The following KIAA1586 variants were observed in gnomAD, a reference collection of about 807,000 sequenced individuals.
The protein encoded by KIAA1586 is E3 SUMO-protein ligase KIAA1586.
A neutral mutation model predicts 6.1 loss-of-function variants in KIAA1586; 5 were observed. The observed-to-expected ratio is 0.82, with a 90% confidence interval of 0.43 to 1.73. The LOEUF (loss-of-function observed/expected upper bound fraction) is 1.73. Ranked by LOEUF, KIAA1586 falls within the 40% of genes most tolerant of loss-of-function variation. The pLI, the probability that KIAA1586 is intolerant of heterozygous loss-of-function variation, is 0.02. For synonymous variants in KIAA1586, 280 were observed against 301.7 expected (o/e 0.93, Z 0.75); for missense variants, 899 against 878.2 (o/e 1.02, Z -0.30).
chr6:57,054,056 C>T lies in KIAA1586; in HGVS notation c.1557C>T (p.Asn519=). 1 of 1,610,328 alleles carries T rather than the reference C, an allele frequency of 6.2e-7. No homozygotes were observed. ...SYSGLAKRLA[N]INFLQDLALM... is the part of the protein sequence containing the mutation. ...CTGGTTTGGCGAAGAGATTAGCTAA[C>T]ATTAATTTCTTACAAGACCTTGCTT... Residue 519 remains asparagine (N), a synonymous_variant, in exon 4 of 4, where the codon AAC becomes AAT. Coordinates refer to ENST00000370733, the MANE Select transcript of KIAA1586 (RefSeq NM_020931.4).
At chr6:57,050,680 A>G (rs1828296742) in intron 2 of KIAA1586, 94 bp from the exon 3 acceptor site, 2 of 850,020 alleles carry the variant, frequency 2.4e-6, no homozygotes, top group African/African-American at 3.4e-5. Context: ...AATCTTTCCC[A>G]ATTCCAACTA....
downstream of KIAA1586, among the ~76,000 whole-genome samples, chr6:57,056,747 A>C (rs1011996346): frequency 6.6e-6 from 1 of 151,842 alleles, no homozygotes; most frequent in African/African-American, 2.4e-5. Context: ...CATGTTGCCC[A>C]GGTTGGTATT....
At chr6:57,049,324 C>T (rs1828262255) in intron 2 of KIAA1586, among the ~76,000 whole-genome samples, 1 of 152,058 alleles carries the variant, frequency 6.6e-6, no homozygotes, top group Non-Finnish European at 1.5e-5. Context: ...TTTTATAGTA[C>T]CATCCAGTAA....
At chr6:57,058,981 G>A (rs1280308115), downstream of KIAA1586, among the ~76,000 whole-genome samples, 2 of 152,024 alleles carry the variant, frequency 1.3e-5, no homozygotes, top group Non-Finnish European at 2.9e-5. Flanking sequence ...TGAAAAAGAT[G>A]AATGGGATTT....
At chr6:57,048,647 T>TCATG (rs1271040805) in intron 2 of KIAA1586, among the ~76,000 whole-genome samples, 1 of 152,176 alleles carries the variant, frequency 6.6e-6, no homozygotes, top group Non-Finnish European at 1.5e-5. Flanking sequence ...GAAGAGGAGT[T>TCATG]CATGGGTCTT....
rs1828441207 is a variant in KIAA1586, at chr6:57,054,395, T to C, written c.1896T>C (p.Asp632=). ...RNHEDIFNYF[D]LLEPSTWPYE... ...ATGAAGATATTTTTAATTACTTTGATTTGCTGGAACCTTCCACATGGCCTT... is the reference window on the plus strand; with the variant it reads ...ATGAAGATATTTTTAATTACTTTGACTTGCTGGAACCTTCCACATGGCCTT... The change falls in exon 4 of 4, where the codon GAT becomes GAC. Residue 632 remains aspartate (D), a synonymous_variant. Coordinates refer to ENST00000370733, the MANE Select transcript of KIAA1586 (RefSeq NM_020931.4). 1 of 1,609,396 alleles carries C rather than the reference T, an allele frequency of 6.2e-7. No homozygotes were observed. The highest frequency in any genetic ancestry group is 1.1e-5 in the South Asian group (1 of 89,970).
At chr6:57,066,833 A>T in the KIAA1586 span, among the ~76,000 whole-genome samples, 3 of 152,074 alleles carry the variant, frequency 2.0e-5, no homozygotes, top group Non-Finnish European at 4.4e-5. Flanking sequence ...AGTCCTTCCT[A>T]GGTTCCCTGG....
At position 57,053,320 on chromosome 6, in the gene KIAA1586, A is replaced by G. The variant is rs137898999; in HGVS notation, c.821A>G (p.Glu274Gly). 1,442 of 1,610,498 alleles carry G rather than the reference A, an allele frequency of 9.0e-4. 3 individuals carry two copies. The highest frequency in any genetic ancestry group is 1.1e-3 in the Non-Finnish European group (1,316 of 1,177,548). The change falls in exon 4 of 4, where the codon GAA (glutamate) becomes GGA (glycine). Residue 274 changes from glutamate (E) to glycine (G), a missense_variant. Coordinates refer to ENST00000370733, the MANE Select transcript of KIAA1586 (RefSeq NM_020931.4). ...ATTGAGGGGGCAAGAGAATTACAGG[A>G]AAAAAATGGAGAGGTAAATTGTTTA... ...SDIEGARELQEKNGEVNCLNT... is the reference protein window; with the variant it reads ...SDIEGARELQGKNGEVNCLNT...
At chr6:57,065,755 T>C in the KIAA1586 span, among the ~76,000 whole-genome samples, 1 of 152,212 alleles carries the variant, frequency 6.6e-6, no homozygotes, top group Non-Finnish European at 1.5e-5. Flanking sequence ...CCTTTCGAAC[T>C]GAATACCTGT....
intron 2 of KIAA1586, among the ~76,000 whole-genome samples, chr6:57,049,195 G>A (rs187704624): frequency 1.6e-3 from 241 of 152,202 alleles, no homozygotes; most frequent in African/African-American, 5.3e-3. Context: ...GCATTTCAGT[G>A]GTGCCACATA....
At chr6:57,056,006 A>G (rs12190575), downstream of KIAA1586, among the ~76,000 whole-genome samples, 21,379 of 152,166 alleles carry the variant, frequency 0.14, 1,600 homozygotes, top group Middle Eastern at 0.18. Flanking sequence ...CAATTTTAGA[A>G]GGAACTAAGG....
chr6:57,062,634 A>G, the KIAA1586 span, among the ~76,000 whole-genome samples: 1 of 152,240 alleles, frequency 6.6e-6, no homozygotes, highest in African/African-American at 2.4e-5. Flanking sequence ...AATATATCCC[A>G]GTCACTCCTT....
chr6:57,059,758 C>G (rs956882537), downstream of KIAA1586, among the ~76,000 whole-genome samples: 1 of 152,126 alleles, frequency 6.6e-6, no homozygotes, highest in African/African-American at 2.4e-5. Context: ...CATTGTTGTT[C>G]CGTAGGCATT....
At position 57,053,880 on chromosome 6, in the gene KIAA1586, C is replaced by T; in HGVS notation, c.1381C>T (p.Leu461Phe). ...YHQPNKNQTKLLGTVAKELET... is the reference protein window; with the variant it reads ...YHQPNKNQTKFLGTVAKELET... Reference sequence around the variant, plus strand: ...TCAACCTAATAAAAATCAAACCAAGCTTCTAGGAACTGTAGCTAAAGAACT... The same window carrying T: ...TCAACCTAATAAAAATCAAACCAAGTTTCTAGGAACTGTAGCTAAAGAACT... Residue 461 changes from leucine (L) to phenylalanine (F), a missense_variant, in exon 4 of 4, where the codon CTT becomes TTT. By Grantham distance (22) the Leu-to-Phe change is conservative (BLOSUM62 0). Coordinates refer to ENST00000370733, the MANE Select transcript of KIAA1586 (RefSeq NM_020931.4). 1 of 1,571,952 alleles carries T rather than the reference C, an allele frequency of 6.4e-7. No individual in the cohort carries two copies. The highest frequency in any genetic ancestry group is 8.6e-7 in the Non-Finnish European group (1 of 1,160,918).
downstream of KIAA1586, among the ~76,000 whole-genome samples, chr6:57,056,588 C>T (rs1260694415): frequency 1.3e-5 from 2 of 149,820 alleles, no homozygotes; most frequent in African/African-American, 2.5e-5. Flanking sequence ...TGCTATGTCA[C>T]CCAAGCTGGA....
chr6:57,054,059 T>G lies in KIAA1586; in HGVS notation c.1560T>G (p.Ile520Met). 1.2e-6 allele frequency: 2 copies of G among 1,611,548 alleles called. No individual in the cohort carries two copies. The highest frequency in any genetic ancestry group is 1.7e-6 in the Non-Finnish European group (2 of 1,178,640). The change falls in exon 4 of 4, where the codon ATT (isoleucine) becomes ATG (methionine). Residue 520 changes from isoleucine (I) to methionine (M), a missense_variant. Ile to Met is a conservative substitution (Grantham distance 10). Coordinates refer to ENST00000370733, the MANE Select transcript of KIAA1586 (RefSeq NM_020931.4). ...GTTTGGCGAAGAGATTAGCTAACAT[T>G]AATTTCTTACAAGACCTTGCTTTAA... ...YSGLAKRLAN[I>M]NFLQDLALMI...
At position 57,053,994 on chromosome 6, in the gene KIAA1586, T is replaced by G; in HGVS notation, c.1495T>G (p.Tyr499Asp). 1 of 1,604,636 alleles carries G rather than the reference T, an allele frequency of 6.2e-7. No individual in the cohort carries two copies. Among genetic ancestry groups the G allele is most frequent in the Non-Finnish European group, 8.5e-7 (1 of 1,176,508 alleles). Residue 499 changes from tyrosine (Y) to aspartate (D), a missense_variant, in exon 4 of 4, where the codon TAT becomes GAT. Coordinates refer to ENST00000370733, the MANE Select transcript of KIAA1586 (RefSeq NM_020931.4). ...LQAATAVWHA[Y>D]PILYMHFSHS... ...AGCTGCTACTGCTGTATGGCATGCATATCCTATATTATATATGCATTTTTC... is the reference window on the plus strand; with the variant it reads ...AGCTGCTACTGCTGTATGGCATGCAGATCCTATATTATATATGCATTTTTC...
At chr6:57,062,257 T>G in the KIAA1586 span, among the ~76,000 whole-genome samples, 5 of 152,220 alleles carry the variant, frequency 3.3e-5, no homozygotes, top group African/African-American at 1.2e-4. Flanking sequence ...TGGTTTTATA[T>G]GCATTGATTG....
At chr6:57,048,227 G>A (rs1480033467) in intron 2 of KIAA1586, among the ~76,000 whole-genome samples, 2 of 152,126 alleles carry the variant, frequency 1.3e-5, no homozygotes, top group Admixed American at 6.5e-5. Context: ...TCCCCAACTC[G>A]TCTTTTGGAA....
Sources: gnomAD v4.1 joint callset for allele counts (sites outside exome capture counted in the v4.1 genomes callset) on GRCh38, gnomAD v4.1.1 for gene constraint, MANE v1.5 for transcripts, NCBI Gene and HGNC (gene_info 2026-07-23, HGNC 2026-07-21) for gene names.